Variants in CLCN1 observed in about 807,000 individuals in gnomAD.
CLCN1 encodes chloride channel protein 1.
Under a neutral mutation model 114.5 loss-of-function variants are expected in CLCN1, and 100 were observed. The ratio of observed to expected loss-of-function variants is 0.87; its 90% CI spans 0.74 to 1.03. The LOEUF (loss-of-function observed/expected upper bound fraction) is 1.03. CLCN1 is among the 50% of genes least tolerant of loss of function. The pLI is 0.00. For synonymous variants in CLCN1, 485 were observed against 487.1 expected (o/e 1.00, Z 0.06); for missense variants, 1,188 against 1,250.0 (o/e 0.95, Z 0.75).
chr7:143,321,595 G>C lies in CLCN1; in HGVS notation c.562+102G>C. 6.2e-7 allele frequency: 1 copy of C among 1,604,684 alleles called. No homozygotes were observed. Among genetic ancestry groups the C allele is most frequent in the African/African-American group, 1.3e-5 (1 of 74,768 alleles). On this transcript the variant is annotated intron_variant, in intron 4 of 22. Transcript: ENST00000343257. The surrounding 1 kb of genome is among the most constrained non-coding windows in gnomAD (Gnocchi z 4.2). ...CCCACCCACAGCCCTGTGCTGCCTT[G>C]CCCCATCCTCCCCACCACTGCCTCT...
At position 143,339,477 on chromosome 7, in the gene CLCN1, C is replaced by T. The variant is rs767828806; in HGVS notation, c.1472-34C>T. The T allele has an allele frequency of 1.3e-6, 2 of 1,540,644 alleles. No individual in the cohort carries two copies. Among genetic ancestry groups the T allele is most frequent in the South Asian group, 2.2e-5 (2 of 89,570 alleles). On this transcript the variant is annotated intron_variant, in intron 13 of 22. Coordinates refer to ENST00000343257, the MANE Select transcript of CLCN1 (RefSeq NM_000083.3). This position sits in a 1 kb window ranked among gnomAD's most constrained non-coding sequence, Gnocchi z 4.1. ...AACTGAGAGCAAGGAACTTGGATCT[C>T]GTAACACCTTCCTTCCTTTTATCTT...
At chr7:143,318,371 C>T (rs1200465814) in intron 1 of CLCN1, among the ~76,000 whole-genome samples, 5 of 152,162 alleles carry the variant, frequency 3.3e-5, no homozygotes, top group Non-Finnish European at 5.9e-5. Context: ...TACAGGCATG[C>T]GCCACCATGC....
At chr7:143,317,328 G>A (rs1033108461) in intron 1 of CLCN1, among the ~76,000 whole-genome samples, 7 of 146,098 alleles carry the variant, frequency 4.8e-5, no homozygotes, top group Non-Finnish European at 3.0e-5. Context: ...GGCTCACTGC[G>A]ACCTCCGCCT....
At chr7:143,318,369 T>A (rs189757988) in intron 1 of CLCN1, among the ~76,000 whole-genome samples, 1 of 152,246 alleles carries the variant, frequency 6.6e-6, no homozygotes, top group Admixed American at 6.5e-5. Flanking sequence ...ATTACAGGCA[T>A]GCGCCACCAT....
intron 7 of CLCN1, among the ~76,000 whole-genome samples, chr7:143,329,658 C>T (rs950980732): frequency 2.0e-5 from 3 of 152,156 alleles, no homozygotes; most frequent in Non-Finnish European, 4.4e-5. Flanking sequence ...AGGGCGTTCA[C>T]CCTGTTCACA....
chr7:143,316,244 G>C lies in CLCN1; in HGVS notation c.32G>C (p.Gly11Ala), dbSNP rs1563071875. 2 of 1,613,742 alleles carry C rather than the reference G, an allele frequency of 1.2e-6. No individual in the cohort carries two copies. Among genetic ancestry groups the C allele is most frequent in the African/African-American group, 1.3e-5 (1 of 75,038 alleles). The change falls in exon 1 of 23, where the codon GGT (glycine) becomes GCT (alanine). Residue 11 changes from glycine (G) to alanine (A), a missense_variant. Transcript: ENST00000343257. MEQSRSQQRG[G>A]EQSWWGSDPQ... ...CAATCCCGGTCACAGCAGCGTGGGG[G>C]TGAACAAAGCTGGTGGGGTAGTGAC... is the stretch of plus-strand genomic sequence containing the variant.
chr7:143,330,994 A>G, intron 8 of CLCN1, 97 bp downstream of exon 8: 1 of 1,560,136 alleles, frequency 6.4e-7, no homozygotes, highest in Non-Finnish European at 8.8e-7. Context: ...AAAAGGAATA[A>G]TGGGCGGCAT....
intron 20 of CLCN1, among the ~76,000 whole-genome samples, chr7:143,347,483 T>C (rs962837156): frequency 1.3e-5 from 2 of 151,904 alleles, no homozygotes; most frequent in African/African-American, 4.8e-5. Flanking sequence ...AAGCCGGGCA[T>C]GGTGGCACGC....
At chr7:143,330,159 T>C (rs1309278069) in intron 7 of CLCN1, among the ~76,000 whole-genome samples, 1 of 152,172 alleles carries the variant, frequency 6.6e-6, no homozygotes, top group African/African-American at 2.4e-5. Context: ...ATTAGTTTAT[T>C]ATTATTATTA....
chr7:143,329,226 A>T (rs1294345263), intron 7 of CLCN1, among the ~76,000 whole-genome samples: 1 of 152,170 alleles, frequency 6.6e-6, no homozygotes, highest in Non-Finnish European at 1.5e-5. Context: ...TCGGCCTCCC[A>T]AAGTGCTGGG....
Position 143,320,798 on chromosome 7 carries a change from A to G in CLCN1, c.433+3A>G. ...CGTCAGTGCCAAAAGCCTTCAGGGT[A>G]GGTTTAACCTGGACCTTTGCCCACA... is the stretch of plus-strand genomic sequence containing the variant. On this transcript the variant is annotated splice_donor_region_variant and intron_variant, in intron 3 of 22. Transcript: ENST00000343257. The G allele has an allele frequency of 6.2e-7, 1 of 1,613,968 alleles. No individual in the cohort carries two copies. Among genetic ancestry groups the G allele is most frequent in the Non-Finnish European group, 8.5e-7 (1 of 1,179,930 alleles).
Position 143,352,080 on chromosome 7 carries a change from TC to T in CLCN1, c.*117del. 2 of 1,323,994 alleles carry T rather than the reference TC, an allele frequency of 1.5e-6. No homozygotes were observed. The highest frequency in any genetic ancestry group is 2.2e-6 in the Non-Finnish European group (2 of 927,510). The allele number at this position is 1,323,994 out of a possible 1,614,324, so 82.0% of individuals were successfully genotyped here. ...AGGTCATGCCAATGTCGTGGCCTCT[TC>T]CAGGAATTTTTTAATGTGATAGTCT... On this transcript the variant is annotated 3_prime_UTR_variant, in exon 23 of 23. Transcript: ENST00000343257.
chr7:143,336,330 GAA>G (rs5888093), intron 12 of CLCN1, among the ~76,000 whole-genome samples: 29,196 of 134,946 alleles, frequency 0.22, 2,861 homozygotes, highest in Non-Finnish European at 0.24. Context: ...TAGATCTGAA[GAA>G]AAAAAAAAAA....
At chr7:143,320,035 C>T (rs1278506654) in intron 2 of CLCN1, among the ~76,000 whole-genome samples, 160 bp downstream of exon 2, 1 of 152,222 alleles carries the variant, frequency 6.6e-6, no homozygotes, top group African/African-American at 2.4e-5. Context: ...GTCATTCAGA[C>T]TGAAGTGCAG....
chr7:143,351,523 G>C, intron 22 of CLCN1, 71 bp from the exon 23 acceptor site: 7 of 1,526,302 alleles, frequency 4.6e-6, no homozygotes, highest in Non-Finnish European at 6.2e-6. Context: ...TCTTTTCTGT[G>C]TCTCTCACTG....
intron 12 of CLCN1, among the ~76,000 whole-genome samples, chr7:143,336,477 G>A (rs1383577879): frequency 6.6e-6 from 1 of 151,968 alleles, no homozygotes; most frequent in African/African-American, 2.4e-5. Context: ...GGGCGTGGTG[G>A]CAGGCGCCTG....
chr7:143,350,752 C>T lies in CLCN1; in HGVS notation c.2595+98C>T. On this transcript the variant is annotated intron_variant, in intron 22 of 22. Transcript: ENST00000343257. The surrounding 1 kb of genome is among the most constrained non-coding windows in gnomAD (Gnocchi z 5.1). The stretch of plus-strand genomic sequence containing the variant: ...GAAGGAATATTAGCATCTCAGAAGT[C>T]CCCTCAGATTCCCTTCTCTATTTCT... The T allele has an allele frequency of 8.3e-6, 7 of 840,356 alleles. No individual in the cohort carries two copies. In the South Asian group the frequency reaches 1.0e-4, roughly 12 times the overall value. 52.1% of individuals were successfully genotyped at this position (840,356 alleles called of 1,614,324 possible). A position where few individuals can be genotyped will look rare whatever the true frequency, so the allele number is the denominator to read the frequency against.
At chr7:143,333,967 A>C (rs1414069782) in intron 12 of CLCN1, among the ~76,000 whole-genome samples, 1 of 152,238 alleles carries the variant, frequency 6.6e-6, no homozygotes, top group Non-Finnish European at 1.5e-5. Flanking sequence ...TATTCCCAGC[A>C]CTTTGGGAAG....
Position 143,352,024 on chromosome 7 carries a change from G to T in CLCN1, c.*59G>T, listed in dbSNP as rs1803428920. The stretch of plus-strand genomic sequence containing the variant: ...AGAGGCCCAGCCTGAGGGTGAACTT[G>T]TGTGGGGCAGGGTGCGTCCTGAATG... On this transcript the variant is annotated 3_prime_UTR_variant, in exon 23 of 23. Transcript: ENST00000343257. 1.2e-6 allele frequency: 2 copies of T among 1,609,508 alleles called. No individual in the cohort carries two copies. The highest frequency in any genetic ancestry group is 1.7e-6 in the Non-Finnish European group (2 of 1,177,804).
Sources: allele counts gnomAD v4.1 joint callset (sites outside exome capture counted in the v4.1 genomes callset), GRCh38; gene constraint gnomAD v4.1.1; non-coding constraint Gnocchi (gnomAD v3.1); transcripts MANE v1.5; gene names NCBI Gene and HGNC (gene_info 2026-07-23, HGNC 2026-07-21).